The following JAZF1 variants were observed in gnomAD, a reference collection of about 807,000 sequenced individuals.
The protein encoded by JAZF1 is JAZF zinc finger 1.
In JAZF1, 8 loss-of-function variants were observed where a neutral mutation model predicts 26.4. That is an observed-to-expected ratio of 0.30 (90% confidence interval 0.18 to 0.55). The LOEUF is 0.55. Ranked by LOEUF, JAZF1 falls within the 20% of genes least tolerant of loss-of-function variation. JAZF1 has a pLI of 0.94. For synonymous variants in JAZF1, 126 were observed against 122.3 expected, an observed-to-expected ratio of 1.03 and a Z score of -0.20; for missense variants, 199 against 322.0, an observed-to-expected ratio of 0.62 and a Z score of 2.92.
intron 1 of JAZF1, among the ~76,000 whole-genome samples, chr7:28,118,761 TACAC>T (rs10612400): frequency 0.47 from 69,794 of 148,634 alleles, 18,306 homozygotes; most frequent in Non-Finnish European, 0.61. Context: ...AAGAGAGTTT[TACAC>T]ACACACACAC....
At chr7:27,928,726 G>A (rs62451124) in intron 2 of JAZF1, among the ~76,000 whole-genome samples, 5,474 of 152,252 alleles carry the variant, frequency 0.036, 141 homozygotes, top group Non-Finnish European at 0.055. Flanking sequence ...TCATAAGTGG[G>A]AGCTAAATGA....
At chr7:28,076,883 A>C (rs1483970215) in intron 1 of JAZF1, among the ~76,000 whole-genome samples, 1 of 152,164 alleles carries the variant, frequency 6.6e-6, no homozygotes, top group East Asian at 1.9e-4. Context: ...ATGACATCCT[A>C]TTGCATAAAT....
At chr7:28,144,998 T>C (rs990427965) in intron 1 of JAZF1, among the ~76,000 whole-genome samples, 2 of 152,254 alleles carry the variant, frequency 1.3e-5, no homozygotes, top group Non-Finnish European at 1.5e-5. Flanking sequence ...TCTCCTCTTC[T>C]GTTTTAAAAA....
chr7:27,844,459 C>T (rs1426434835), intron 3 of JAZF1: 1 of 152,194 alleles, frequency 6.6e-6, no homozygotes, highest in Non-Finnish European at 1.5e-5. Context: ...AACTCCTTCC[C>T]CATTCCTGGA....
chr7:27,993,011 A>ACGGGGGGAGGGAAGCAGATG (rs1785934617), intron 1 of JAZF1, among the ~76,000 whole-genome samples: 1 of 152,184 alleles, frequency 6.6e-6, no homozygotes, highest in Admixed American at 6.5e-5. Context: ...GGAAGCAGAT[A>ACGGGGGGAGGGAAGCAGATG]CAGTGGCAGA....
chr7:27,924,825 G>A (rs939257940), intron 2 of JAZF1, among the ~76,000 whole-genome samples: 2 of 152,182 alleles, frequency 1.3e-5, no homozygotes, highest in African/African-American at 4.8e-5. Flanking sequence ...GCTTTAATTT[G>A]TTTTCTGCTA....
intron 3 of JAZF1, chr7:27,842,397 G>A (rs1246646868): frequency 6.6e-6 from 1 of 152,130 alleles, no homozygotes; most frequent in African/African-American, 2.4e-5. Context: ...TCTTCTGAGG[G>A]GTTCCCTTTT....
At chr7:28,100,485 G>T (rs1212772170) in intron 1 of JAZF1, among the ~76,000 whole-genome samples, 1 of 152,010 alleles carries the variant, frequency 6.6e-6, no homozygotes, top group Non-Finnish European at 1.5e-5. Context: ...CCATTTACCA[G>T]CAGGAAGAGG....
chr7:27,853,947 T>C (rs1161711909), intron 3 of JAZF1, among the ~76,000 whole-genome samples: 1 of 152,222 alleles, frequency 6.6e-6, no homozygotes, highest in Non-Finnish European at 1.5e-5. Flanking sequence ...TTCTGTCTTG[T>C]TGATCTAATA....
chr7:28,180,622 G>C lies in JAZF1; in HGVS notation c.-45C>G, dbSNP rs564663065. 4.0e-6 allele frequency: 6 copies of C among 1,510,688 alleles called. No individual in the cohort carries two copies. Among genetic ancestry groups the C allele is most frequent in the African/African-American group, 2.8e-5 (2 of 71,750 alleles). 93.6% of individuals were successfully genotyped at this position (1,510,688 alleles called of 1,614,324 possible). On this transcript the variant is annotated 5_prime_UTR_variant, in exon 1 of 5. Coordinates refer to ENST00000283928, the MANE Select transcript of JAZF1 (RefSeq NM_175061.4). ...CCCTGGTGTCGGCTCTGCGAGCGCC[G>C]GGCGGGCGAGGGAGGGAGGGAGGCC...
At chr7:28,070,028 T>C (rs542150544) in intron 1 of JAZF1, among the ~76,000 whole-genome samples, 1 of 152,264 alleles carries the variant, frequency 6.6e-6, no homozygotes, top group East Asian at 1.9e-4. Flanking sequence ...ACACTGCACT[T>C]TGTAAAACGT....
In JAZF1 at chr7:28,170,158, G is replaced by A. The variant is rs750377295; in HGVS notation, c.115+10305C>T. Among the ~76,000 whole-genome samples the A allele has an allele frequency of 1.3e-4, 20 of 152,264 alleles. No homozygotes were observed. The South Asian group carries it at 1.7e-3, about 13-fold the overall frequency. On this transcript the variant is annotated intron_variant, in intron 1 of 4. Transcript: ENST00000283928. Reference sequence around the variant, plus strand: ...AAGTACATGAGCTGAGTACTGGGCCGTGTGCATGCAATCCCAGCTACCAGA... The same window carrying A: ...AAGTACATGAGCTGAGTACTGGGCCATGTGCATGCAATCCCAGCTACCAGA...
rs113932918 is a variant in JAZF1 at position 28,114,808 on chromosome 7, A to T, written c.115+65655T>A. On this transcript the variant is annotated intron_variant, in intron 1 of 4. Coordinates refer to ENST00000283928, the MANE Select transcript of JAZF1 (RefSeq NM_175061.4). ...TATAAGAAAATGGGACAGGGGAACTAGGGATGCCTCATCAAAAAAGGTGCC... is the reference window on the plus strand; with the variant it reads ...TATAAGAAAATGGGACAGGGGAACTTGGGATGCCTCATCAAAAAAGGTGCC... Among the ~76,000 whole-genome samples, 72 of 151,774 alleles carry T rather than the reference A, an allele frequency of 4.7e-4. 1 individual carries two copies. Among genetic ancestry groups the T allele is most frequent in the African/African-American group, 1.7e-3 (69 of 41,348 alleles).
At chr7:28,169,633 T>C (rs148466448) in intron 1 of JAZF1, among the ~76,000 whole-genome samples, 155 of 152,328 alleles carry the variant, frequency 1.0e-3, no homozygotes, top group African/African-American at 3.2e-3. Flanking sequence ...AAGCTTTCCA[T>C]AAGAAGTACT....
intron 2 of JAZF1, among the ~76,000 whole-genome samples, chr7:27,933,832 A>C (rs543264278): frequency 1.5e-3 from 235 of 152,222 alleles, no homozygotes; most frequent in Non-Finnish European, 2.6e-3. Flanking sequence ...AGTGGAAAAA[A>C]ACCTTCCTGG....
chr7:27,846,394 T>TATACGTATACGTGTATAC (rs1783032268), intron 3 of JAZF1: 1 of 442,814 alleles, frequency 2.3e-6, no homozygotes, highest in Admixed American at 2.5e-5. Flanking sequence ...TATATATACA[T>TATACGTATACGTGTATAC]ATACGTATAC....
chr7:28,144,115 A>C (rs765576792), intron 1 of JAZF1, among the ~76,000 whole-genome samples: 2 of 152,224 alleles, frequency 1.3e-5, no homozygotes, highest in Non-Finnish European at 2.9e-5. Flanking sequence ...ATAATCACTA[A>C]TTAGATTTTC....
intron 1 of JAZF1, among the ~76,000 whole-genome samples, chr7:28,006,179 C>A (rs1042584299): frequency 5.9e-5 from 9 of 151,888 alleles, no homozygotes; most frequent in Non-Finnish European, 1.5e-5. Context: ...AGCTGGATCA[C>A]CCCAACTTGG....
chr7:28,016,834 C>T (rs1054026994), intron 1 of JAZF1, among the ~76,000 whole-genome samples: 3 of 152,160 alleles, frequency 2.0e-5, no homozygotes, highest in African/African-American at 7.2e-5. Flanking sequence ...TTATCGAAGA[C>T]CTACTATGTG....
Sources: allele counts gnomAD v4.1 joint callset (sites outside exome capture counted in the v4.1 genomes callset), GRCh38; gene constraint gnomAD v4.1.1; transcripts MANE v1.5; gene names NCBI Gene and HGNC (gene_info 2026-07-23, HGNC 2026-07-21).